CRTC2: variants seen among roughly 807,000 people sequenced by gnomAD.
CRTC2 encodes CREB regulated transcription coactivator 2, also known as CREB-regulated transcription coactivator 2.
Under a neutral mutation model 70.9 loss-of-function variants are expected in CRTC2, and 25 were observed. That is an observed-to-expected ratio of 0.35 (90% CI 0.26 to 0.49). The LOEUF (loss-of-function observed/expected upper bound fraction) is 0.49, where lower values mean the gene tolerates loss of function less well. CRTC2 is among the 20% of genes least tolerant of loss of function. The pLI, the probability that CRTC2 is intolerant of heterozygous loss-of-function variation, is 0.98. For missense variants in CRTC2, 737 were observed against 882.6 expected (o/e 0.83, Z 2.09); for synonymous variants, 330 against 364.1 (o/e 0.91, Z 1.07).
At chr1:153,953,220 T>A in intron 6 of CRTC2, 46 bp downstream of exon 6, 1 of 931,966 alleles carries the variant, frequency 1.1e-6, no homozygotes, top group South Asian at 2.0e-5. Flanking sequence ...AATAAATAAA[T>A]AAATAGCTCC....
In CRTC2 at chr1:153,948,342, G is replaced by A. The variant is rs1387235212; in HGVS notation, c.1862-13C>T. 5.6e-6 allele frequency: 9 copies of A among 1,614,020 alleles called. No homozygotes were observed. Among genetic ancestry groups the A allele is most frequent in the South Asian group, 3.3e-5 (3 of 91,084 alleles). ...GGAGAGGAGTCCCCTGTGGGTAGAA[G>A]AGACAGGTGAGGACCCCATGTCCTG... On this transcript the variant is annotated splice_polypyrimidine_tract_variant and intron_variant, in intron 13 of 13. Transcript: ENST00000368633.
chr1:153,953,424 G>T, intron 5 of CRTC2, 55 bp from the exon 6 acceptor site: 1 of 1,522,452 alleles, frequency 6.6e-7, no homozygotes, highest in Non-Finnish European at 9.1e-7. Context: ...TGGTCCCTAA[G>T]CCCTGCCCAG....
intron 1 of CRTC2, among the ~76,000 whole-genome samples, chr1:153,957,815 G>A (rs776862634): frequency 6.6e-6 from 1 of 152,132 alleles, no homozygotes; most frequent in Non-Finnish European, 1.5e-5. Context: ...GAAGCAAAAG[G>A]ACGGGACGCA....
rs1680768537 is a variant in CRTC2 at position 153,958,570 on chromosome 1, C to T, written c.-73G>A. On this transcript the variant is annotated 5_prime_UTR_variant, in exon 1 of 14. Transcript: ENST00000368633. ...CTCCGCCGCGGCCTCGGCCCGGCTC[C>T]TCCAGCCGTAGCCACCGCCGCCTCA... The T allele has an allele frequency of 2.1e-6, 3 of 1,428,820 alleles. No individual in the cohort carries two copies. The highest frequency in any genetic ancestry group is 1.5e-5 in the African/African-American group (1 of 68,930). The allele number at this position is 1,428,820 out of a possible 1,614,324, so 88.5% of individuals were successfully genotyped here. A position where few individuals can be genotyped will look rare whatever the true frequency, so the allele number is the denominator to read the frequency against.
At chr1:153,956,346 T>C (rs1415455529) in intron 1 of CRTC2, among the ~76,000 whole-genome samples, 2 of 152,266 alleles carry the variant, frequency 1.3e-5, no homozygotes, top group Admixed American at 6.5e-5. Flanking sequence ...ATGTCTGGCA[T>C]AGGCGTAAGA....
rs758791764 is a variant in CRTC2 at position 153,951,541 on chromosome 1, A to C, written c.1123T>G (p.Ser375Ala). 1 of 1,607,664 alleles carries C rather than the reference A, an allele frequency of 6.2e-7. No individual in the cohort carries two copies. The highest frequency in any genetic ancestry group is 1.1e-5 in the South Asian group (1 of 90,122). ...GGCAGTACATGGCGGGCCAAGGAGG[A>C]GGCAGGCAGAGAGGGGTGGCTGTGG... ...GSHSHPSLPA[S>A]SLARHVLPTT... is the part of the protein sequence containing the mutation. The change falls in exon 11 of 14, where the codon TCC (serine) becomes GCC (alanine). Residue 375 changes from serine (S) to alanine (A), a missense_variant. Around this residue, in one of 3 missense-constraint regions of CRTC2, gnomAD observed 699 missense variants for 823.7 expected, o/e 0.85. Coordinates refer to ENST00000368633, the MANE Select transcript of CRTC2 (RefSeq NM_181715.3).
At chr1:153,954,140 A>G (rs1680497316) in intron 4 of CRTC2, 115 bp downstream of exon 4, 4 of 769,656 alleles carry the variant, frequency 5.2e-6, no homozygotes, top group Admixed American at 4.1e-5. Flanking sequence ...CGTTATAGGA[A>G]GAGGTACTGT....
At chr1:153,949,437 C>A in intron 11 of CRTC2, 53 bp from the exon 12 acceptor site, 1 of 1,515,036 alleles carries the variant, frequency 6.6e-7, no homozygotes, top group East Asian at 2.3e-5. Context: ...ACCCCAAGAA[C>A]TCTCAGTCAG....
intron 5 of CRTC2, 71 bp from the exon 6 acceptor site, chr1:153,953,440 G>A: frequency 6.6e-7 from 1 of 1,519,916 alleles, no homozygotes; most frequent in South Asian, 1.1e-5. Flanking sequence ...CCCAGCAAGG[G>A]AAAACACTAG....
Position 153,958,565 on chromosome 1 carries a change from G to A in CRTC2, c.-68C>T, listed in dbSNP as rs888891016. ...GCGGCCTCCGCCGCGGCCTCGGCCC[G>A]GCTCCTCCAGCCGTAGCCACCGCCG... On this transcript the variant is annotated 5_prime_UTR_variant, in exon 1 of 14. Coordinates refer to ENST00000368633, the MANE Select transcript of CRTC2 (RefSeq NM_181715.3). 9 of 1,451,284 alleles carry A rather than the reference G, an allele frequency of 6.2e-6. No individual in the cohort carries two copies. In the African/African-American group the frequency reaches 8.6e-5, roughly 14 times the overall value. 89.9% of individuals were successfully genotyped at this position (1,451,284 alleles called of 1,614,324 possible).
intron 12 of CRTC2, 73 bp from the exon 13 acceptor site, chr1:153,948,717 C>T: frequency 6.6e-7 from 1 of 1,519,786 alleles, no homozygotes; most frequent in Non-Finnish European, 9.0e-7. Context: ...GCTAACATAT[C>T]CCCTTTGCCC....
intron 10 of CRTC2, 131 bp downstream of exon 10, chr1:153,951,887 G>T: frequency 7.6e-7 from 1 of 1,309,170 alleles, no homozygotes; most frequent in Non-Finnish European, 1.1e-6. Flanking sequence ...TGCCGTGAGG[G>T]AATCCTGGGG....
Position 153,949,123 on chromosome 1 carries a change from G to C in CRTC2, c.1666C>G (p.Leu556Val). ...SYHRPMSDFN[L>V]GNLEQFSMES... ...GGAGCCTGAGTACTCACATTCCCCAGGTTGAAGTCACTCATTGGCCGGTGG... is the reference window on the plus strand; with the variant it reads ...GGAGCCTGAGTACTCACATTCCCCACGTTGAAGTCACTCATTGGCCGGTGG... The change falls in exon 12 of 14, where the codon CTG becomes GTG. Residue 556 changes from leucine (L) to valine (V), a missense_variant. Around this residue, in one of 3 missense-constraint regions of CRTC2, gnomAD observed 699 missense variants for 823.7 expected, o/e 0.85. Transcript: ENST00000368633. The C allele has an allele frequency of 6.2e-7, 1 of 1,607,674 alleles. No individual in the cohort carries two copies. The highest frequency in any genetic ancestry group is 8.5e-7 in the Non-Finnish European group (1 of 1,176,354).
Position 153,952,174 on chromosome 1 carries a change from G to A in CRTC2, c.841C>T (p.Leu281=), listed in dbSNP as rs754799112. 8 of 1,614,046 alleles carry A rather than the reference G, an allele frequency of 5.0e-6. No homozygotes were observed. The South Asian group carries it at 5.5e-5, about 11-fold the overall frequency. Residue 281 remains leucine, a synonymous_variant, in exon 10 of 14, where the codon CTG becomes TTG. Transcript: ENST00000368633. ...TGGSLPDLTN[L]HFPPPLPTPL... is the part of the protein sequence containing the mutation. ...GTGGGCAGTGGTGGGGGAAAGTGCA[G>A]GTTGGTGAGGTCAGGTAGGGAGCCC... is the stretch of plus-strand genomic sequence containing the variant.
chr1:153,951,673 G>T lies in CRTC2; in HGVS notation c.998-7C>A. The T allele has an allele frequency of 6.2e-7, 1 of 1,612,006 alleles. No homozygotes were observed. Among genetic ancestry groups the T allele is most frequent in the Non-Finnish European group, 8.5e-7 (1 of 1,179,096 alleles). ...CTGAGAGGTGAATGAAGTCCTGCAGGCACAGACAAAAAACCAGAGATGCCA... is the reference window on the plus strand; with the variant it reads ...CTGAGAGGTGAATGAAGTCCTGCAGTCACAGACAAAAAACCAGAGATGCCA... On this transcript the variant is annotated splice_polypyrimidine_tract_variant and splice_region_variant and intron_variant, in intron 10 of 13. Transcript: ENST00000368633.
rs572016335 is a variant in CRTC2 at position 153,955,428 on chromosome 1, G to A, written c.154-262C>T. ...TAAAAATACAAAAAATTAGCCGGGC[G>A]TGGTGGCGGGCGCCTGTAGTCCCAG... On this transcript the variant is annotated intron_variant, in intron 1 of 13. Transcript: ENST00000368633. Among the ~76,000 whole-genome samples, 6 of 151,886 alleles carry A rather than the reference G, an allele frequency of 4.0e-5. No homozygotes were observed. The East Asian group carries it at 7.8e-4, about 20-fold the overall frequency.
intron 1 of CRTC2, among the ~76,000 whole-genome samples, chr1:153,956,834 G>A: frequency 6.6e-6 from 1 of 152,186 alleles, no homozygotes; most frequent in East Asian, 1.9e-4. Flanking sequence ...GTGGGTAGAA[G>A]GGGCCTTTTA....
chr1:153,949,657 T>C (rs561140767), intron 11 of CRTC2, among the ~76,000 whole-genome samples: 1 of 152,234 alleles, frequency 6.6e-6, no homozygotes, highest in East Asian at 1.9e-4. Flanking sequence ...GAGACCAGCC[T>C]GGCCAACATG....
At chr1:153,954,008 T>G (rs1254078925) in intron 4 of CRTC2, among the ~76,000 whole-genome samples, 1 of 152,184 alleles carries the variant, frequency 6.6e-6, no homozygotes, top group African/African-American at 2.4e-5. Context: ...CACCCCAGCC[T>G]GGCTATGGTT....
Sources: allele counts gnomAD v4.1 joint callset (sites outside exome capture counted in the v4.1 genomes callset), GRCh38; gene constraint gnomAD v4.1.1; regional missense constraint gnomAD v4.1.1; transcripts MANE v1.5; gene names NCBI Gene and HGNC (gene_info 2026-07-23, HGNC 2026-07-21).